NR3C1: variants seen among roughly 807,000 people sequenced by gnomAD.
The protein encoded by NR3C1 is nuclear receptor subfamily 3 group C member 1, also known as glucocorticoid receptor.
A neutral mutation model predicts 74.0 loss-of-function variants in NR3C1; 14 were observed. The observed-to-expected ratio is 0.19, with a 90% CI of 0.12 to 0.30. The LOEUF is 0.30. Among genes scored for constraint, NR3C1 ranks in the 10% least tolerant of loss-of-function variants. The probability of loss-of-function intolerance (pLI) is 1.00; values close to 1 mark genes in which losing one functional copy is unlikely to be tolerated. For synonymous variants in NR3C1, 308 were observed against 332.5 expected (o/e 0.93, Z 0.80); for missense variants, 695 against 909.8 (o/e 0.76, Z 3.04).
rs78289889 is a variant in NR3C1, at chr5:143,337,759, T to C, written c.1185-23591A>G. On this transcript the variant is annotated intron_variant, in intron 2 of 8. Coordinates refer to ENST00000394464, the MANE Select transcript of NR3C1 (RefSeq NM_000176.3). The stretch of plus-strand genomic sequence containing the variant: ...TAATATTCTATTCACATAAAATTCA[T>C]ATACATATGATATTCTATTAACATG... Among the ~76,000 whole-genome samples, 640 of 152,314 alleles carry C rather than the reference T, an allele frequency of 4.2e-3. 2 individuals are homozygous for C. Among genetic ancestry groups the C allele is most frequent in the African/African-American group, 0.015 (614 of 41,570 alleles).
chr5:143,426,127 C>A (rs1682118755), intron 1 of NR3C1, among the ~76,000 whole-genome samples: 2 of 152,110 alleles, frequency 1.3e-5, no homozygotes, highest in Admixed American at 6.5e-5. Context: ...ACACAAAAGA[C>A]TACATATTGT....
chr5:143,336,049 G>C (rs905725081), intron 2 of NR3C1, among the ~76,000 whole-genome samples: 1 of 152,196 alleles, frequency 6.6e-6, no homozygotes, highest in South Asian at 2.1e-4. Context: ...CTGTTGGGGT[G>C]TTTGTCTTCT....
At chr5:143,391,403 T>C (rs1194416819) in intron 2 of NR3C1, among the ~76,000 whole-genome samples, 1 of 152,290 alleles carries the variant, frequency 6.6e-6, no homozygotes, top group East Asian at 1.9e-4. Context: ...CAAGAGCTTT[T>C]TCAGACAGCT....
intron 4 of NR3C1, 35 bp downstream of exon 4, chr5:143,310,062 A>C: frequency 6.9e-7 from 1 of 1,456,462 alleles, no homozygotes; most frequent in Non-Finnish European, 9.6e-7. Context: ...TATAAGCTAC[A>C]GAGACAAACA....
At chr5:143,384,742 C>A (rs144050489) in intron 2 of NR3C1, among the ~76,000 whole-genome samples, 1 of 152,230 alleles carries the variant, frequency 6.6e-6, no homozygotes, top group Admixed American at 6.5e-5. Context: ...ACAGACCCTG[C>A]AGCTGCTTTC....
chr5:143,299,005 GTT>G (rs35039262), intron 5 of NR3C1, among the ~76,000 whole-genome samples, 193 bp from the exon 6 acceptor site: 6 of 106,726 alleles, frequency 5.6e-5, no homozygotes, highest in Admixed American at 1.0e-4. Context: ...ACCCTCTTGT[GTT>G]TTTTTTTTTT....
chr5:143,314,394 T>C (rs897410666), intron 2 of NR3C1, among the ~76,000 whole-genome samples: 1 of 151,786 alleles, frequency 6.6e-6, no homozygotes, highest in Non-Finnish European at 1.5e-5. Context: ...CAAAATAGAA[T>C]GGTGTGGTTC....
chr5:143,425,515 C>G (rs1291324548), intron 1 of NR3C1, among the ~76,000 whole-genome samples: 1 of 152,054 alleles, frequency 6.6e-6, no homozygotes, highest in Non-Finnish European at 1.5e-5. Flanking sequence ...ATATAAAGAA[C>G]TTTTATATTT....
chr5:143,372,183 G>A (rs1448313662), intron 2 of NR3C1, among the ~76,000 whole-genome samples: 1 of 152,164 alleles, frequency 6.6e-6, no homozygotes, highest in Non-Finnish European at 1.5e-5. Context: ...GATCTTAGCA[G>A]TCTCAGCATA....
intron 2 of NR3C1, 26 bp downstream of exon 2, chr5:143,399,629 TA>T: frequency 6.7e-7 from 1 of 1,493,008 alleles, no homozygotes. Context: ...GTACCATTCT[TA>T]AGAAACAGAA....
At chr5:143,342,178 C>T (rs1374516599) in intron 2 of NR3C1, among the ~76,000 whole-genome samples, 3 of 151,878 alleles carry the variant, frequency 2.0e-5, no homozygotes, top group Non-Finnish European at 4.4e-5. Context: ...AAATTTCTTT[C>T]CTTCTGGTTA....
chr5:143,283,907 A>C (rs1353188638), intron 7 of NR3C1, among the ~76,000 whole-genome samples: 1 of 152,172 alleles, frequency 6.6e-6, no homozygotes, highest in East Asian at 1.9e-4. Context: ...TAAATGTTTA[A>C]TACATATTAG....
At chr5:143,405,388 G>A (rs1191608918), upstream of NR3C1, 1 of 980,126 alleles carries the variant, frequency 1.0e-6, no homozygotes, top group East Asian at 1.1e-4. Context: ...TCTTGAAGAC[G>A]ATTGGGGAAG....
rs540963589 is a variant in NR3C1, at chr5:143,334,215, C to G, written c.1185-20047G>C. Among the ~76,000 whole-genome samples, 1,404 of 152,092 alleles carry G rather than the reference C, an allele frequency of 9.2e-3. 9 individuals are homozygous for G. Among genetic ancestry groups the G allele is most frequent in the Non-Finnish European group, 0.015 (1,032 of 67,988 alleles). Reference sequence around the variant, plus strand: ...TGACCAACATGGAGAAATGCCATCTCTACTAAAAATACAAAAATTAGCCGG... The same window carrying G: ...TGACCAACATGGAGAAATGCCATCTGTACTAAAAATACAAAAATTAGCCGG... On this transcript the variant is annotated intron_variant, in intron 2 of 8. Coordinates refer to ENST00000394464, the MANE Select transcript of NR3C1 (RefSeq NM_000176.3).
intron 4 of NR3C1, among the ~76,000 whole-genome samples, chr5:143,304,877 T>A (rs901019420): frequency 3.9e-5 from 6 of 152,114 alleles, no homozygotes; most frequent in African/African-American, 1.4e-4. Flanking sequence ...GACCCCTACC[T>A]ACTGCCATAT....
In NR3C1 at chr5:143,371,361, T is replaced by C. The variant is rs553351631; in HGVS notation, c.1184+28295A>G. 2.2e-4 allele frequency among the ~76,000 whole-genome samples: 34 copies of C among 152,380 alleles called. No homozygotes were observed. In the South Asian group the frequency reaches 6.8e-3, roughly 31 times the overall value. On this transcript the variant is annotated intron_variant, in intron 2 of 8. Coordinates refer to ENST00000394464, the MANE Select transcript of NR3C1 (RefSeq NM_000176.3). ...ACTTACAGCTAAAGCAGATTTTTACTACATAGTCTAGCACCTTATTATAAA... is the reference window on the plus strand; with the variant it reads ...ACTTACAGCTAAAGCAGATTTTTACCACATAGTCTAGCACCTTATTATAAA...
At position 143,300,175 on chromosome 5, in the gene NR3C1, A is replaced by G. The variant is rs1818205354; in HGVS notation, c.1747+310T>C. Among the ~76,000 whole-genome samples the G allele has an allele frequency of 3.3e-5, 5 of 152,238 alleles. No homozygotes were observed. The highest frequency in any genetic ancestry group is 3.3e-4 in the Admixed American group (5 of 15,280). On this transcript the variant is annotated intron_variant, in intron 5 of 8. Coordinates refer to ENST00000394464, the MANE Select transcript of NR3C1 (RefSeq NM_000176.3). This position sits in a 1 kb window ranked among gnomAD's most constrained non-coding sequence, Gnocchi z 5.2. The stretch of plus-strand genomic sequence containing the variant: ...AAGGAAAACAAATGGAATTAACTAA[A>G]AACATTTTCTTTCCCCAAACTTCAG...
intron 2 of NR3C1, among the ~76,000 whole-genome samples, chr5:143,353,723 G>C (rs997645167): frequency 2.0e-5 from 3 of 152,098 alleles, no homozygotes; most frequent in Non-Finnish European, 2.9e-5. Context: ...TGTCATCCAG[G>C]CTTTGTTGTT....
upstream of NR3C1, chr5:143,403,924 C>A (rs1840837997): frequency 1.8e-5 from 18 of 984,128 alleles, no homozygotes; most frequent in Non-Finnish European, 2.2e-5. Flanking sequence ...GTGCGCCGCG[C>A]TTCGCCCCCC....
Sources: allele counts gnomAD v4.1 joint callset (sites outside exome capture counted in the v4.1 genomes callset), GRCh38; gene constraint gnomAD v4.1.1; non-coding constraint Gnocchi (gnomAD v3.1); transcripts MANE v1.5; gene names NCBI Gene and HGNC (gene_info 2026-07-23, HGNC 2026-07-21).